BBS9: variants seen among roughly 807,000 people sequenced by gnomAD.
BBS9 encodes Bardet-Biedl syndrome 9, also known as protein PTHB1.
A neutral mutation model predicts 117.7 loss-of-function variants in BBS9; 89 were observed. The ratio of observed to expected loss-of-function variants is 0.76; its 90% CI spans 0.64 to 0.90. BBS9 has a LOEUF of 0.90. Ranked by LOEUF, BBS9 falls within the 40% of genes least tolerant of loss-of-function variation. BBS9 has a pLI of 0.00. For missense variants in BBS9, 982 were observed against 1,042.2 expected (o/e 0.94, Z 0.80); for synonymous variants, 379 against 370.9 (o/e 1.02, Z -0.25).
chr7:33,370,599 T>G (rs1822671506), intron 17 of BBS9, among the ~76,000 whole-genome samples: 1 of 152,268 alleles, frequency 6.6e-6, no homozygotes, highest in African/African-American at 2.4e-5. Context: ...TTATAATTAA[T>G]ATTGCAAAAT....
chr7:33,500,952 T>G (rs1156462484), intron 19 of BBS9, among the ~76,000 whole-genome samples: 3 of 152,228 alleles, frequency 2.0e-5, no homozygotes, highest in Admixed American at 2.0e-4. Context: ...CCATTTTATT[T>G]GGAAACCTTC....
intron 5 of BBS9, among the ~76,000 whole-genome samples, chr7:33,214,865 A>G (rs1223422943): frequency 1.3e-5 from 2 of 152,218 alleles, no homozygotes; most frequent in Non-Finnish European, 2.9e-5. Context: ...TGGAACTACA[A>G]AAGACTCCAA....
chr7:33,438,010 C>G (rs1031506048), intron 19 of BBS9, among the ~76,000 whole-genome samples: 1 of 152,120 alleles, frequency 6.6e-6, no homozygotes. Context: ...GGCTCTCTTT[C>G]GTAATTCTAA....
chr7:33,610,715 C>T (rs187494590), downstream of BBS9, among the ~76,000 whole-genome samples: 2 of 152,184 alleles, frequency 1.3e-5, no homozygotes, highest in East Asian at 3.9e-4. Flanking sequence ...ATTCAAAATT[C>T]CCTTAAATAT....
chr7:33,177,791 C>T (rs1429993078), intron 5 of BBS9, 200 bp downstream of exon 5: 1 of 575,018 alleles, frequency 1.7e-6, no homozygotes, highest in Admixed American at 2.7e-5. Flanking sequence ...ATCTTGGAAG[C>T]TAATCAGGGT....
chr7:33,453,772 G>A (rs575611821), intron 19 of BBS9, among the ~76,000 whole-genome samples: 3 of 152,070 alleles, frequency 2.0e-5, no homozygotes, highest in African/African-American at 4.8e-5. Flanking sequence ...TGCCTGCCTC[G>A]GCCTCCCAAA....
At chr7:33,134,619 G>C (rs1194433496) in intron 1 of BBS9, among the ~76,000 whole-genome samples, 5 of 151,852 alleles carry the variant, frequency 3.3e-5, no homozygotes, top group Admixed American at 2.6e-4. Context: ...TTGAGATAGA[G>C]TCTCACTCTG....
intron 19 of BBS9, among the ~76,000 whole-genome samples, chr7:33,421,594 A>G (rs1267757081): frequency 2.0e-5 from 3 of 152,208 alleles, no homozygotes; most frequent in African/African-American, 7.2e-5. Context: ...GAGTGCAGCA[A>G]AAGCTAGTTA....
intron 20 of BBS9, among the ~76,000 whole-genome samples, chr7:33,507,359 G>T (rs536114304): frequency 6.6e-6 from 1 of 152,210 alleles, no homozygotes; most frequent in East Asian, 1.9e-4. Context: ...TCCTGCCTCA[G>T]CCTCCAGAGT....
At chr7:33,260,872 C>T (rs1022151859) in intron 6 of BBS9, among the ~76,000 whole-genome samples, 1 of 152,162 alleles carries the variant, frequency 6.6e-6, no homozygotes, top group East Asian at 1.9e-4. Context: ...GTCTGCTATA[C>T]CCCTTCCCCA....
chr7:33,604,927 G>T lies in BBS9; in HGVS notation c.2584G>T (p.Glu862Ter). The T allele has an allele frequency of 6.2e-7, 1 of 1,613,868 alleles. No homozygotes were observed. Among genetic ancestry groups the T allele is most frequent in the South Asian group, 1.1e-5 (1 of 91,062 alleles). ...AAGATCAGTAGAACAAGACTCTACA[G>T]AACTGTTTACCAACCACAGACATCT... The part of the protein sequence containing the change: ...EERSVEQDST[E>*]LFTNHRHLTA... The change falls in exon 22 of 23, where the codon GAA (glutamate) becomes TAA (stop). Residue 862 changes from glutamate to a stop codon, truncating the protein, a stop_gained. Coordinates refer to ENST00000242067, the MANE Select transcript of BBS9 (RefSeq NM_198428.3). LOFTEE classifies it high-confidence loss of function.
At chr7:33,567,711 G>T (rs1857136870) in intron 21 of BBS9, among the ~76,000 whole-genome samples, 1 of 152,106 alleles carries the variant, frequency 6.6e-6, no homozygotes, top group South Asian at 2.1e-4. Flanking sequence ...ACATCCAGTT[G>T]TTTATTGACC....
intron 20 of BBS9, among the ~76,000 whole-genome samples, chr7:33,515,737 G>A (rs141394877): frequency 2.0e-4 from 31 of 152,292 alleles, no homozygotes; most frequent in East Asian, 7.7e-4. Context: ...ATCTCTGTGC[G>A]TGTCTTTCAG....
chr7:33,578,375 G>A lies in BBS9; in HGVS notation c.2522-26490G>A, dbSNP rs1585336108. ...TACAAGGCAGGACACTCCCAAGTGG[G>A]ATGACTTGCGATCCCAGAAATCACA... On this transcript the variant is annotated intron_variant, in intron 21 of 22. Coordinates refer to ENST00000242067, the MANE Select transcript of BBS9 (RefSeq NM_198428.3). 2.6e-5 allele frequency among the ~76,000 whole-genome samples: 4 copies of A among 152,350 alleles called. No individual in the cohort carries two copies. The Middle Eastern group carries it at 0.014, about 518-fold the overall frequency.
intron 5 of BBS9, among the ~76,000 whole-genome samples, chr7:33,214,279 C>T (rs1788614915): frequency 6.6e-6 from 1 of 152,120 alleles, no homozygotes; most frequent in African/African-American, 2.4e-5. Context: ...GCACTGAGTT[C>T]AATGTAAAGT....
At chr7:33,616,901 A>G (rs1865166134) in intron 21 of BBS9, among the ~76,000 whole-genome samples, 1 of 151,778 alleles carries the variant, frequency 6.6e-6, no homozygotes, top group Non-Finnish European at 1.5e-5. Flanking sequence ...CGATTATTCC[A>G]CTTGCTATGT....
At chr7:33,574,692 C>CACACACACACACAT (rs1440741448) in intron 21 of BBS9, among the ~76,000 whole-genome samples, 8 of 137,156 alleles carry the variant, frequency 5.8e-5, no homozygotes, top group African/African-American at 2.5e-4. Flanking sequence ...AAAACACACA[C>CACACACACACACAT]ACACACACAC....
chr7:33,542,578 A>G (rs1852505319), intron 21 of BBS9, among the ~76,000 whole-genome samples: 1 of 152,086 alleles, frequency 6.6e-6, no homozygotes, highest in Non-Finnish European at 1.5e-5. Flanking sequence ...AAAACATATG[A>G]TGTTTGGTTT....
intron 19 of BBS9, among the ~76,000 whole-genome samples, chr7:33,408,765 C>T (rs1400553002): frequency 6.6e-6 from 1 of 152,148 alleles, no homozygotes; most frequent in Non-Finnish European, 1.5e-5. Context: ...GTTCAACTCT[C>T]AGTTCTCTGA....
Sources: allele counts gnomAD v4.1 joint callset (sites outside exome capture counted in the v4.1 genomes callset), GRCh38; gene constraint gnomAD v4.1.1; transcripts MANE v1.5; gene names NCBI Gene and HGNC (gene_info 2026-07-23, HGNC 2026-07-21).